CNTNAP4: variants seen among roughly 807,000 people sequenced by gnomAD.
The protein encoded by CNTNAP4 is contactin associated protein family member 4, also known as contactin-associated protein-like 4.
Under a neutral mutation model 148.4 loss-of-function variants are expected in CNTNAP4, and 98 were observed. That is an observed-to-expected ratio of 0.66 (90% CI 0.56 to 0.78). The LOEUF (loss-of-function observed/expected upper bound fraction) is 0.78. Ranked by LOEUF, CNTNAP4 falls within the 30% of genes least tolerant of loss-of-function variation. The pLI is 0.00. For synonymous variants in CNTNAP4, 730 were observed against 565.1 expected, an observed-to-expected ratio of 1.29 and a Z score of -4.14; for missense variants, 1,935 against 1,565.6, an observed-to-expected ratio of 1.24 and a Z score of -3.98.
intron 2 of CNTNAP4, among the ~76,000 whole-genome samples, chr16:76,339,303 T>A (rs1362742464): frequency 6.6e-6 from 1 of 152,194 alleles, no homozygotes; most frequent in African/African-American, 2.4e-5. Context: ...ATTCAACATA[T>A]AACATCTCAT....
At position 76,427,581 on chromosome 16, in the gene CNTNAP4, G is replaced by T; in HGVS notation, c.520G>T (p.Val174Leu). ...GGGCAGAATTGGAATGCGAATCGAA[G>T]TGTTCGGATGTGCATACAGTAAGTG... Reference protein sequence around the residue: ...PKGRIGMRIEVFGCAYRSEVV... With the variant: ...PKGRIGMRIELFGCAYRSEVV... The change falls in exon 4 of 24, where the codon GTG (valine) becomes TTG (leucine). Residue 174 changes from valine (V) to leucine (L), a missense_variant. Val to Leu is a conservative substitution (Grantham distance 32). Coordinates refer to ENST00000611870, the MANE Select transcript of CNTNAP4 (RefSeq NM_033401.5). The T allele has an allele frequency of 1.2e-6, 2 of 1,611,100 alleles. No homozygotes were observed. The highest frequency in any genetic ancestry group is 1.3e-5 in the African/African-American group (1 of 74,936).
intron 2 of CNTNAP4, among the ~76,000 whole-genome samples, chr16:76,324,245 C>T (rs1962734741): frequency 6.6e-6 from 1 of 152,176 alleles, no homozygotes; most frequent in South Asian, 2.1e-4. Context: ...GATACAGTGG[C>T]TCAAATTTGG....
intron 15 of CNTNAP4, among the ~76,000 whole-genome samples, chr16:76,499,791 T>C (rs79611262): frequency 0.057 from 8,660 of 151,484 alleles, 441 homozygotes; most frequent in African/African-American, 0.14. Context: ...CAAGCATCTG[T>C]TTAACAAAGC....
intron 21 of CNTNAP4, among the ~76,000 whole-genome samples, chr16:76,547,688 C>T (rs140553329): frequency 0.015 from 2,326 of 152,164 alleles, 63 homozygotes; most frequent in African/African-American, 0.053. Flanking sequence ...TCACTCGTTC[C>T]GAGTAGTAGC....
chr16:76,331,324 A>G (rs1204047972), intron 2 of CNTNAP4, among the ~76,000 whole-genome samples: 2 of 151,598 alleles, frequency 1.3e-5, no homozygotes, highest in African/African-American at 4.8e-5. Flanking sequence ...AGTAGCTGGG[A>G]CTGCAGGCGC....
rs1688759634 is a variant in CNTNAP4, at chr16:76,452,732, C to G, written c.1296C>G (p.Leu432=). Residue 432 remains leucine (L), a synonymous_variant, in exon 8 of 24, where the codon CTC becomes CTG. Coordinates refer to ENST00000611870, the MANE Select transcript of CNTNAP4 (RefSeq NM_033401.5). ...GTGATGGAAAACTTAAGTCGAATCTCTACCAGCCAGGAAAATTACCCAGTG... is the reference window on the plus strand; with the variant it reads ...GTGATGGAAAACTTAAGTCGAATCTGTACCAGCCAGGAAAATTACCCAGTG... ...FLSDGKLKSN[L]YQPGKLPSDI... is the part of the protein sequence containing the mutation. 6.2e-7 allele frequency: 1 copy of G among 1,603,908 alleles called. No individual in the cohort carries two copies.
At chr16:76,421,216 A>G (rs1405323901) in intron 3 of CNTNAP4, among the ~76,000 whole-genome samples, 3 of 152,054 alleles carry the variant, frequency 2.0e-5, no homozygotes, top group African/African-American at 7.2e-5. Context: ...TCATCAAGTT[A>G]TCATTAATAA....
At chr16:76,451,900 CAAAGA>C (rs2080497123) in intron 7 of CNTNAP4, among the ~76,000 whole-genome samples, 1 of 151,982 alleles carries the variant, frequency 6.6e-6, no homozygotes, top group East Asian at 1.9e-4. Context: ...GTTCTCAACA[CAAAGA>C]AAAGATAAAT....
chr16:76,480,977 C>T (rs558132235), intron 12 of CNTNAP4, among the ~76,000 whole-genome samples: 1 of 152,134 alleles, frequency 6.6e-6, no homozygotes. Flanking sequence ...AAGGATTCAG[C>T]TCTACTGGAT....
At chr16:76,405,372 T>G (rs941557956) in intron 3 of CNTNAP4, among the ~76,000 whole-genome samples, 8 of 152,148 alleles carry the variant, frequency 5.3e-5, no homozygotes, top group Admixed American at 1.3e-4. Context: ...TCTAAATAAA[T>G]TTTAGTTGAC....
intron 1 of CNTNAP4, among the ~76,000 whole-genome samples, chr16:76,283,172 T>C (rs1296261722): frequency 1.3e-5 from 2 of 152,052 alleles, no homozygotes; most frequent in South Asian, 2.1e-4. Flanking sequence ...AAATAGAATA[T>C]CAGCTCTGCT....
chr16:76,429,428 A>G (rs1382545248), intron 4 of CNTNAP4, among the ~76,000 whole-genome samples: 1 of 152,146 alleles, frequency 6.6e-6, no homozygotes, highest in African/African-American at 2.4e-5. Flanking sequence ...TTGTGCATGT[A>G]TTTTTTGTAG....
chr16:76,427,707 A>C, intron 4 of CNTNAP4, 108 bp downstream of exon 4: 1 of 1,035,180 alleles, frequency 9.7e-7, no homozygotes, highest in Non-Finnish European at 1.4e-6. Flanking sequence ...AGGTATAAAA[A>C]ATAGGAATAA....
At chr16:76,437,718 C>G (rs917495360) in intron 4 of CNTNAP4, among the ~76,000 whole-genome samples, 3 of 151,966 alleles carry the variant, frequency 2.0e-5, no homozygotes, top group Non-Finnish European at 2.9e-5. Flanking sequence ...ACTTGAACCT[C>G]CAGGTAACCA....
At chr16:76,432,149 T>C (rs1424866954) in intron 4 of CNTNAP4, among the ~76,000 whole-genome samples, 2 of 152,198 alleles carry the variant, frequency 1.3e-5, no homozygotes, top group African/African-American at 2.4e-5. Flanking sequence ...AAGCAGCTCC[T>C]TTGTACTATT....
At chr16:76,508,353 A>G (rs189185872) in intron 15 of CNTNAP4, among the ~76,000 whole-genome samples, 1 of 97,700 alleles carries the variant, frequency 1.0e-5, no homozygotes, top group African/African-American at 2.6e-5. Flanking sequence ...GTCTAGTTCC[A>G]TCTAAGCCAT....
intron 2 of CNTNAP4, among the ~76,000 whole-genome samples, chr16:76,326,104 A>T (rs1962944586): frequency 6.6e-6 from 1 of 152,214 alleles, no homozygotes; most frequent in Non-Finnish European, 1.5e-5. Context: ...AAAAAGTCAA[A>T]ATACTCCCTA....
intron 6 of CNTNAP4, among the ~76,000 whole-genome samples, chr16:76,449,254 A>G (rs1030081555): frequency 1.3e-5 from 2 of 152,192 alleles, no homozygotes; most frequent in African/African-American, 4.8e-5. Flanking sequence ...TACCACAAGC[A>G]AATATAGGAT....
chr16:76,357,949 A>G (rs1424787407), intron 3 of CNTNAP4, among the ~76,000 whole-genome samples: 1 of 152,164 alleles, frequency 6.6e-6, no homozygotes, highest in Non-Finnish European at 1.5e-5. Flanking sequence ...AGGTGAAAGG[A>G]CCAATAAATG....
Sources: gnomAD v4.1 joint callset for allele counts (sites outside exome capture counted in the v4.1 genomes callset) on GRCh38, gnomAD v4.1.1 for gene constraint, MANE v1.5 for transcripts, NCBI Gene and HGNC (gene_info 2026-07-23, HGNC 2026-07-21) for gene names.